The following SLC44A1 variants were observed in gnomAD, a reference collection of about 807,000 sequenced individuals.
SLC44A1 encodes solute carrier family 44 member 1.
Under a neutral mutation model 79.3 loss-of-function variants are expected in SLC44A1, and 26 were observed. The ratio of observed to expected loss-of-function variants is 0.33; its 90% confidence interval spans 0.24 to 0.46. The LOEUF (loss-of-function observed/expected upper bound fraction) is 0.46. Among genes scored for constraint, SLC44A1 ranks in the 20% least tolerant of loss-of-function variants. The pLI is 1.00. For synonymous variants in SLC44A1, 263 were observed against 286.2 expected (o/e 0.92, Z 0.82); for missense variants, 688 against 798.1 (o/e 0.86, Z 1.66).
At chr9:105,347,057 T>C (rs756472880) in intron 4 of SLC44A1, among the ~76,000 whole-genome samples, 46 of 152,208 alleles carry the variant, frequency 3.0e-4, no homozygotes, top group Non-Finnish European at 6.2e-4. Flanking sequence ...TTTTGATTGA[T>C]AGGACAAGAT....
intron 15 of SLC44A1, among the ~76,000 whole-genome samples, chr9:105,402,452 A>G (rs1341106481): frequency 6.6e-6 from 1 of 152,192 alleles, no homozygotes; most frequent in Non-Finnish European, 1.5e-5. Flanking sequence ...CAGATGGTCA[A>G]ATTCATCTAA....
At chr9:105,281,632 A>G (rs76054992) in intron 1 of SLC44A1, among the ~76,000 whole-genome samples, 4,781 of 152,230 alleles carry the variant, frequency 0.031, 254 homozygotes, top group African/African-American at 0.11. Context: ...GTTTGTTGAC[A>G]TAGGGCTTCC....
chr9:105,328,060 C>T (rs571221943), intron 3 of SLC44A1, among the ~76,000 whole-genome samples: 1 of 152,190 alleles, frequency 6.6e-6, no homozygotes, highest in African/African-American at 2.4e-5. Flanking sequence ...TACCTTCACT[C>T]CCCTCTGGCC....
chr9:105,351,673 A>AGAAAGAAC (rs890106944), intron 5 of SLC44A1, among the ~76,000 whole-genome samples: 33 of 146,682 alleles, frequency 2.2e-4, no homozygotes, highest in East Asian at 5.8e-4. Context: ...AAAGAAAGAA[A>AGAAAGAAC]GAACCAAGAA....
chr9:105,335,884 C>G (rs1336259553), intron 4 of SLC44A1, among the ~76,000 whole-genome samples, 185 bp downstream of exon 4: 1 of 152,162 alleles, frequency 6.6e-6, no homozygotes, highest in Non-Finnish European at 1.5e-5. Flanking sequence ...CTGGGCCCCT[C>G]CCTGGGCAAA....
At chr9:105,306,906 G>A (rs560038412) in intron 2 of SLC44A1, among the ~76,000 whole-genome samples, 2 of 152,182 alleles carry the variant, frequency 1.3e-5, no homozygotes, top group Non-Finnish European at 2.9e-5. Context: ...TTTTAGATTA[G>A]TAGTGAAAGA....
At chr9:105,315,273 T>G (rs78014266) in intron 3 of SLC44A1, among the ~76,000 whole-genome samples, 24,490 of 119,662 alleles carry the variant, frequency 0.2, 2,021 homozygotes, top group African/African-American at 0.36. Flanking sequence ...TTTTGTTTGT[T>G]TTTTTTTTTT....
At chr9:105,267,193 A>G (rs1829981427) in intron 1 of SLC44A1, among the ~76,000 whole-genome samples, 1 of 152,216 alleles carries the variant, frequency 6.6e-6, no homozygotes, top group African/African-American at 2.4e-5. Flanking sequence ...AGAATTTTAA[A>G]TGAGTTGTTC....
intron 15 of SLC44A1, among the ~76,000 whole-genome samples, chr9:105,404,539 C>G (rs547416672): frequency 2.6e-5 from 4 of 152,302 alleles, no homozygotes; most frequent in African/African-American, 9.6e-5. Context: ...GCCAGTGCCT[C>G]CAGTCCAGTC....
chr9:105,361,474 A>G, intron 8 of SLC44A1, 144 bp downstream of exon 8: 1 of 771,128 alleles, frequency 1.3e-6, no homozygotes, highest in Non-Finnish European at 2.0e-6. Context: ...TGTATGAAAC[A>G]CTAAAAAGTC....
At chr9:105,322,473 A>G (rs946969911) in intron 3 of SLC44A1, among the ~76,000 whole-genome samples, 1 of 152,204 alleles carries the variant, frequency 6.6e-6, no homozygotes, top group Non-Finnish European at 1.5e-5. Context: ...GTGGGAGTGA[A>G]GGGTTACTCA....
At chr9:105,372,866 C>T (rs185194466) in intron 12 of SLC44A1, among the ~76,000 whole-genome samples, 4,945 of 147,264 alleles carry the variant, frequency 0.034, 119 homozygotes, top group Non-Finnish European at 0.054. Flanking sequence ...AGGAGAATGG[C>T]GTGAACCCGG....
Position 105,412,735 on chromosome 9 carries a change from A to G in SLC44A1, c.1951-25546A>G, listed in dbSNP as rs1829113385. 4.6e-5 allele frequency among the ~76,000 whole-genome samples: 7 copies of G among 152,042 alleles called. No homozygotes were observed. In the South Asian group the frequency reaches 1.5e-3, roughly 32 times the overall value. On this transcript the variant is annotated intron_variant, in intron 15 of 15. Coordinates refer to the SLC44A1 transcript ENST00000374724. ...TCCTGCCTCAGCCTCCCGAGTAGCTAGGATTACAGACACCTGCCACCACGC... is the reference window on the plus strand; with the variant it reads ...TCCTGCCTCAGCCTCCCGAGTAGCTGGGATTACAGACACCTGCCACCACGC...
intron 1 of SLC44A1, among the ~76,000 whole-genome samples, chr9:105,264,291 A>G (rs1315717075): frequency 6.6e-6 from 1 of 152,054 alleles, no homozygotes; most frequent in Non-Finnish European, 1.5e-5. Context: ...AGCCTCCTGA[A>G]TAGCGGGGAC....
chr9:105,390,723 A>C lies in SLC44A1; in HGVS notation c.*1667A>C. Reference sequence around the variant, plus strand: ...GCTAAATGCCTTGGTTTCTTTTAAAAGTTCATGTAATATTTCTGATTTTTC... The same window carrying C: ...GCTAAATGCCTTGGTTTCTTTTAAACGTTCATGTAATATTTCTGATTTTTC... On this transcript the variant is annotated 3_prime_UTR_variant, in exon 16 of 16. Transcript: ENST00000374720. The C allele has an allele frequency of 1.0e-6, 1 of 985,628 alleles. No individual in the cohort carries two copies. Among genetic ancestry groups the C allele is most frequent in the Non-Finnish European group, 1.2e-6 (1 of 829,780 alleles). The allele number at this position is 985,628 out of a possible 1,614,324, so 61.1% of individuals were successfully genotyped here.
At chr9:105,363,097 T>C (rs1162125697) in intron 9 of SLC44A1, 90 bp downstream of exon 9, 2 of 1,046,872 alleles carry the variant, frequency 1.9e-6, no homozygotes, top group African/African-American at 3.2e-5. Flanking sequence ...CTTCAGACAT[T>C]TGTTGATGAA....
rs1273759569 is a variant in SLC44A1, at chr9:105,404,129, G to A, written c.1950+18627G>A. 2.6e-5 allele frequency among the ~76,000 whole-genome samples: 4 copies of A among 150,960 alleles called. No individual in the cohort carries two copies. The East Asian group carries it at 7.8e-4, about 29-fold the overall frequency. ...AACTAGGGCACTAGCAATAAGAATG[G>A]AGAGAAAAGGCAGGAGAATCGCTTG... is the stretch of plus-strand genomic sequence containing the variant. On this transcript the variant is annotated intron_variant, in intron 15 of 15. Transcript: ENST00000374724.
intron 1 of SLC44A1, among the ~76,000 whole-genome samples, chr9:105,273,305 T>C (rs1297534973): frequency 1.3e-5 from 2 of 152,178 alleles, no homozygotes; most frequent in Non-Finnish European, 2.9e-5. Context: ...TAATTTTTAT[T>C]ACAGTAAGTT....
chr9:105,317,103 A>G (rs1397665), intron 3 of SLC44A1, among the ~76,000 whole-genome samples: 19,189 of 152,138 alleles, frequency 0.13, 3,409 homozygotes, highest in African/African-American at 0.4. Flanking sequence ...CTGAGTTCCT[A>G]TCTCCTTGCT....
Sources: allele counts gnomAD v4.1 joint callset (sites outside exome capture counted in the v4.1 genomes callset), GRCh38; gene constraint gnomAD v4.1.1; transcripts MANE v1.5; gene names NCBI Gene and HGNC (gene_info 2026-07-23, HGNC 2026-07-21).